Variants in SRD5A2 observed in about 807,000 individuals in gnomAD.
SRD5A2 encodes the protein 3-oxo-5-alpha-steroid 4-dehydrogenase 2.
Under a neutral mutation model 27.4 loss-of-function variants are expected in SRD5A2, and 30 were observed. That is an observed-to-expected ratio of 1.10 (90% CI 0.82 to 1.49). The LOEUF (loss-of-function observed/expected upper bound fraction) is 1.49, where lower values mean the gene tolerates loss of function less well. Among genes scored for constraint, SRD5A2 ranks in the 40% most tolerant of loss-of-function variants. SRD5A2 has a pLI of 0.00. For synonymous variants in SRD5A2, 141 were observed against 133.6 expected (o/e 1.06, Z -0.38); for missense variants, 348 against 323.4 (o/e 1.08, Z -0.58).
intron 1 of SRD5A2, among the ~76,000 whole-genome samples, chr2:31,575,575 T>A (rs748164021): frequency 6.6e-6 from 1 of 152,148 alleles, no homozygotes; most frequent in Non-Finnish European, 1.5e-5. Context: ...GAGGAGAAAT[T>A]CCGCTGGGGA....
intron 1 of SRD5A2, among the ~76,000 whole-genome samples, chr2:31,549,756 A>C (rs1270679113): frequency 6.6e-6 from 1 of 152,202 alleles, no homozygotes; most frequent in Non-Finnish European, 1.5e-5. Context: ...ACCAGAAGGA[A>C]AAATAAATAG....
the SRD5A2 span, among the ~76,000 whole-genome samples, chr2:31,602,722 C>G: frequency 6.6e-6 from 1 of 151,588 alleles, no homozygotes; most frequent in Non-Finnish European, 1.5e-5. Context: ...ATGGAACAAC[C>G]GAACAGAATA....
At chr2:31,573,865 A>T (rs985804079) in intron 1 of SRD5A2, among the ~76,000 whole-genome samples, 2 of 152,194 alleles carry the variant, frequency 1.3e-5, no homozygotes, top group Admixed American at 6.5e-5. Flanking sequence ...CAAAAATCTA[A>T]GCCACATTCC....
At position 31,549,042 on chromosome 2, in the gene SRD5A2, A is replaced by G. The variant is rs192285604; in HGVS notation, c.282-15276T>C. Among the ~76,000 whole-genome samples, 486 of 150,800 alleles carry G rather than the reference A, an allele frequency of 3.2e-3. 3 individuals carry two copies. The highest frequency in any genetic ancestry group is 0.011 in the African/African-American group (458 of 41,206). On this transcript the variant is annotated intron_variant, in intron 1 of 4. Coordinates refer to ENST00000622030, the MANE Select transcript of SRD5A2 (RefSeq NM_000348.4). ...AAAGTAGTCAAAAGCATAGAAACAG[A>G]AAGTAGAATGGTGGCTTCCAGGGGC...
chr2:31,647,214 A>G, the SRD5A2 span, among the ~76,000 whole-genome samples: 1 of 152,278 alleles, frequency 6.6e-6, no homozygotes, highest in African/African-American at 2.4e-5. Context: ...AGAGGAATAT[A>G]GAACAGTGCT....
intron 1 of SRD5A2, among the ~76,000 whole-genome samples, chr2:31,574,061 G>T (rs1666904282): frequency 6.6e-6 from 1 of 152,196 alleles, no homozygotes; most frequent in African/African-American, 2.4e-5. Flanking sequence ...AGGCACTAGG[G>T]CCCTCTCAGA....
chr2:31,608,459 G>A, the SRD5A2 span, among the ~76,000 whole-genome samples: 1 of 151,824 alleles, frequency 6.6e-6, no homozygotes, highest in African/African-American at 2.4e-5. Flanking sequence ...AGAAGTAAAT[G>A]GTTGGAACTG....
the SRD5A2 span, among the ~76,000 whole-genome samples, chr2:31,602,792 A>G: frequency 6.6e-6 from 1 of 151,956 alleles, no homozygotes. Flanking sequence ...AAACTGACAA[A>G]AAAAAGAAAA....
At chr2:31,662,303 G>C in the SRD5A2 span, among the ~76,000 whole-genome samples, 2 of 151,964 alleles carry the variant, frequency 1.3e-5, no homozygotes, top group African/African-American at 2.4e-5. Context: ...TTGGTTTGCA[G>C]GTTGTTTTGT....
chr2:31,606,804 T>C, the SRD5A2 span, among the ~76,000 whole-genome samples: 2 of 151,946 alleles, frequency 1.3e-5, no homozygotes, highest in Non-Finnish European at 2.9e-5. Flanking sequence ...TTGCTAAGGC[T>C]GCTGTAACAA....
intron 1 of SRD5A2, among the ~76,000 whole-genome samples, chr2:31,574,128 T>A (rs1666905680): frequency 6.6e-6 from 1 of 152,182 alleles, no homozygotes; most frequent in African/African-American, 2.4e-5. Flanking sequence ...TCCCCCTCAG[T>A]TTACATTTTC....
chr2:31,572,333 G>GA (rs1335013107), intron 1 of SRD5A2, among the ~76,000 whole-genome samples: 8 of 152,166 alleles, frequency 5.3e-5, no homozygotes, highest in Admixed American at 4.6e-4. Context: ...GGTGATGATT[G>GA]AAAAAATACC....
At chr2:31,612,941 G>A in the SRD5A2 span, among the ~76,000 whole-genome samples, 1 of 152,114 alleles carries the variant, frequency 6.6e-6, no homozygotes, top group Non-Finnish European at 1.5e-5. Context: ...TCAATAAATG[G>A]TGTAGAGAAA....
At chr2:31,605,741 T>C in the SRD5A2 span, among the ~76,000 whole-genome samples, 10 of 149,284 alleles carry the variant, frequency 6.7e-5, 1 homozygote, top group East Asian at 2.0e-3. Flanking sequence ...GTTTGGAGGA[T>C]CAAAAAAAAA....
At chr2:31,628,235 C>CT in the SRD5A2 span, among the ~76,000 whole-genome samples, 2 of 151,678 alleles carry the variant, frequency 1.3e-5, no homozygotes, top group African/African-American at 4.8e-5. Context: ...ATGCTCTTGT[C>CT]TTTTTTTTAA....
At chr2:31,590,263 G>A in the SRD5A2 span, among the ~76,000 whole-genome samples, 2 of 150,146 alleles carry the variant, frequency 1.3e-5, no homozygotes, top group South Asian at 2.1e-4. Flanking sequence ...TGAGAAACCC[G>A]AGTACTAATC....
chr2:31,579,720 G>C (rs539500397), intron 1 of SRD5A2, among the ~76,000 whole-genome samples: 2 of 152,248 alleles, frequency 1.3e-5, no homozygotes, highest in South Asian at 2.1e-4. Context: ...TAAACGATTG[G>C]GCATGGTAGG....
chr2:31,661,494 T>C, the SRD5A2 span, among the ~76,000 whole-genome samples: 1 of 152,162 alleles, frequency 6.6e-6, no homozygotes, highest in Non-Finnish European at 1.5e-5. Flanking sequence ...CAAGGCTGTT[T>C]GATATACAAC....
the SRD5A2 span, among the ~76,000 whole-genome samples, chr2:31,642,325 C>A: frequency 6.6e-6 from 1 of 151,952 alleles, no homozygotes; most frequent in African/African-American, 2.4e-5. Flanking sequence ...TTTTTTTGAC[C>A]TTTCTGACCA....
Sources: allele counts gnomAD v4.1 joint callset (sites outside exome capture counted in the v4.1 genomes callset), GRCh38; gene constraint gnomAD v4.1.1; transcripts MANE v1.5; gene names NCBI Gene and HGNC (gene_info 2026-07-23, HGNC 2026-07-21).